The following OPCML variants were observed in gnomAD, a reference collection of about 807,000 sequenced individuals.
The protein encoded by OPCML is opioid binding protein/cell adhesion molecule like, also known as opioid-binding protein/cell adhesion molecule.
Under a neutral mutation model 37.8 loss-of-function variants are expected in OPCML, and 13 were observed. That is an observed-to-expected ratio of 0.34 (90% CI 0.22 to 0.55). OPCML has a LOEUF of 0.55. OPCML is among the 20% of genes least tolerant of loss of function. OPCML has a pLI of 0.91. For synonymous variants in OPCML, 176 were observed against 168.8 expected, an observed-to-expected ratio of 1.04 and a Z score of -0.33; for missense variants, 341 against 435.6, an observed-to-expected ratio of 0.78 and a Z score of 1.93.
intron 2 of OPCML, among the ~76,000 whole-genome samples, chr11:132,814,373 C>T (rs1296805686): frequency 6.6e-6 from 1 of 152,100 alleles, no homozygotes; most frequent in Admixed American, 6.5e-5. Flanking sequence ...CCAGGAAAAC[C>T]AGTGGTATAA....
At chr11:132,746,633 C>G (rs564744599) in intron 2 of OPCML, among the ~76,000 whole-genome samples, 33 of 152,302 alleles carry the variant, frequency 2.2e-4, no homozygotes, top group South Asian at 1.0e-3. Flanking sequence ...TGGATTCAGA[C>G]CAGCCTTTTG....
At chr11:132,878,537 C>T (rs1462636776) in intron 2 of OPCML, among the ~76,000 whole-genome samples, 2 of 152,182 alleles carry the variant, frequency 1.3e-5, no homozygotes, top group African/African-American at 4.8e-5. Flanking sequence ...CCTGGGTCTC[C>T]ACCTTGCCAA....
intron 2 of OPCML, among the ~76,000 whole-genome samples, chr11:132,756,215 C>T (rs577968358): frequency 2.0e-5 from 3 of 152,262 alleles, no homozygotes; most frequent in South Asian, 2.1e-4. Flanking sequence ...GTGCCTTCTT[C>T]CCGAGTTCTT....
At chr11:132,586,509 T>A (rs911331072) in intron 3 of OPCML, among the ~76,000 whole-genome samples, 2 of 152,204 alleles carry the variant, frequency 1.3e-5, no homozygotes, top group Non-Finnish European at 2.9e-5. Flanking sequence ...AGTGAATGCA[T>A]CCTTTTCCTT....
At chr11:133,061,802 G>A (rs572458248) in intron 1 of OPCML, among the ~76,000 whole-genome samples, 10 of 151,420 alleles carry the variant, frequency 6.6e-5, no homozygotes, top group South Asian at 4.2e-4. Context: ...AAACTTTTCC[G>A]CAAGTCAGAT....
intron 1 of OPCML, among the ~76,000 whole-genome samples, chr11:133,329,189 C>T (rs1943556805): frequency 6.6e-6 from 1 of 152,118 alleles, no homozygotes; most frequent in African/African-American, 2.4e-5. Flanking sequence ...AAAGAGGATA[C>T]AAACAAATGG....
At chr11:133,057,266 C>G (rs1315067182) in intron 1 of OPCML, among the ~76,000 whole-genome samples, 1 of 152,234 alleles carries the variant, frequency 6.6e-6, no homozygotes, top group African/African-American at 2.4e-5. Flanking sequence ...ATACCTCTTA[C>G]ATAACCTCTG....
At chr11:132,660,852 A>G (rs1007130916) in intron 2 of OPCML, among the ~76,000 whole-genome samples, 1 of 152,150 alleles carries the variant, frequency 6.6e-6, no homozygotes, top group African/African-American at 2.4e-5. Flanking sequence ...CTCCTGGACG[A>G]AGTGTGAAGT....
chr11:133,265,415 G>C (rs1055075846), intron 1 of OPCML, among the ~76,000 whole-genome samples: 1 of 152,176 alleles, frequency 6.6e-6, no homozygotes, highest in Non-Finnish European at 1.5e-5. Context: ...TGTCTTGAAA[G>C]TCTGATGGGC....
chr11:133,445,336 G>A (rs1338287995), intron 1 of OPCML, among the ~76,000 whole-genome samples: 1 of 152,218 alleles, frequency 6.6e-6, no homozygotes, highest in Non-Finnish European at 1.5e-5. Context: ...TAAAGGGGCT[G>A]TTGACATGAG....
At chr11:132,710,692 A>G (rs1944225963) in intron 2 of OPCML, among the ~76,000 whole-genome samples, 1 of 52,532 alleles carries the variant, frequency 1.9e-5, no homozygotes, top group South Asian at 6.2e-4. Context: ...AAAATACAAA[A>G]AAAAAAAAAA....
chr11:132,904,314 A>C (rs11223272), intron 2 of OPCML, among the ~76,000 whole-genome samples: 31,163 of 152,234 alleles, frequency 0.2, 3,873 homozygotes, highest in Non-Finnish European at 0.29. Context: ...GCACTCATCC[A>C]TGCCCAACTT....
At chr11:132,947,827 C>T in intron 1 of OPCML, among the ~76,000 whole-genome samples, 1 of 152,152 alleles carries the variant, frequency 6.6e-6, no homozygotes, top group Non-Finnish European at 1.5e-5. Flanking sequence ...ATCAGAAATG[C>T]TTGAGACCAG....
intron 2 of OPCML, among the ~76,000 whole-genome samples, chr11:132,674,534 G>A (rs1942618778): frequency 6.6e-6 from 1 of 152,144 alleles, no homozygotes; most frequent in African/African-American, 2.4e-5. Flanking sequence ...AAGTCTATGT[G>A]CACACTCCAA....
chr11:132,632,439 G>A (rs1940211217), intron 3 of OPCML, among the ~76,000 whole-genome samples: 1 of 152,060 alleles, frequency 6.6e-6, no homozygotes, highest in Non-Finnish European at 1.5e-5. Context: ...TGTGAAAAAT[G>A]AGAACACTGA....
chr11:133,051,094 AG>A (rs1242490798), intron 1 of OPCML, among the ~76,000 whole-genome samples: 2 of 150,846 alleles, frequency 1.3e-5, no homozygotes, highest in African/African-American at 2.5e-5. Context: ...CACCTCTCAA[AG>A]CTTATGCCCT....
At chr11:132,487,321 T>A (rs2096202986) in intron 4 of OPCML, among the ~76,000 whole-genome samples, 1 of 152,298 alleles carries the variant, frequency 6.6e-6, no homozygotes, top group African/African-American at 2.4e-5. Context: ...TGTCACTGCC[T>A]CATTGCCTCC....
chr11:132,918,178 T>C (rs997627476), intron 2 of OPCML, among the ~76,000 whole-genome samples: 1 of 152,190 alleles, frequency 6.6e-6, no homozygotes, highest in Admixed American at 6.5e-5. Context: ...AACATTCACG[T>C]TTTAAACTGT....
chr11:132,874,873 T>G (rs2136406764), intron 2 of OPCML, among the ~76,000 whole-genome samples: 1 of 152,280 alleles, frequency 6.6e-6, no homozygotes. Context: ...AAATGTGGGC[T>G]TAGCTCTTAC....
Sources: allele counts gnomAD v4.1 joint callset (sites outside exome capture counted in the v4.1 genomes callset), GRCh38; gene constraint gnomAD v4.1.1; transcripts MANE v1.5; gene names NCBI Gene and HGNC (gene_info 2026-07-23, HGNC 2026-07-21).